GPC6: variants seen among roughly 807,000 people sequenced by gnomAD.
GPC6 encodes glypican-6.
In GPC6, 14 loss-of-function variants were observed where a neutral mutation model predicts 55.2. That is an observed-to-expected ratio of 0.25 (90% CI 0.17 to 0.40). The LOEUF (loss-of-function observed/expected upper bound fraction) is 0.40. Ranked by LOEUF, GPC6 falls within the 10% of genes least tolerant of loss-of-function variation. The pLI, the probability that GPC6 is intolerant of heterozygous loss-of-function variation, is 1.00. For synonymous variants in GPC6, 278 were observed against 259.6 expected, an observed-to-expected ratio of 1.07 and a Z score of -0.68; for missense variants, 641 against 708.5, an observed-to-expected ratio of 0.90 and a Z score of 1.08.
chr13:94,349,829 C>T (rs915739719), intron 6 of GPC6, among the ~76,000 whole-genome samples: 3 of 152,110 alleles, frequency 2.0e-5, no homozygotes, highest in African/African-American at 7.2e-5. Context: ...CACACAGTCT[C>T]GGGTGATTCT....
Position 93,906,253 on chromosome 13 carries a change from G to T in GPC6, c.711+75708G>T, listed in dbSNP as rs76593433. On this transcript the variant is annotated intron_variant, in intron 3 of 8. Coordinates refer to ENST00000377047, the MANE Select transcript of GPC6 (RefSeq NM_005708.5). ...TTACTCAGTTCACCTACTAAAAATGGCCATAGCTCTAGATTTTGCATCTTC... is the reference window on the plus strand; with the variant it reads ...TTACTCAGTTCACCTACTAAAAATGTCCATAGCTCTAGATTTTGCATCTTC... 4.2e-3 allele frequency among the ~76,000 whole-genome samples: 640 copies of T among 152,110 alleles called. 14 individuals are homozygous for T. Among genetic ancestry groups the T allele is most frequent in the South Asian group, 6.6e-3 (32 of 4,818 alleles).
intron 2 of GPC6, among the ~76,000 whole-genome samples, chr13:93,627,039 T>C (rs1473141483): frequency 6.6e-6 from 1 of 151,936 alleles, no homozygotes; most frequent in Non-Finnish European, 1.5e-5. Flanking sequence ...AGTTCTGGGG[T>C]ACATGTGCAG....
intron 4 of GPC6, among the ~76,000 whole-genome samples, chr13:94,168,084 C>A (rs1205331118): frequency 6.6e-6 from 1 of 152,204 alleles, no homozygotes; most frequent in African/African-American, 2.4e-5. Flanking sequence ...GCATTATCAT[C>A]ACTGGTTGTC....
At chr13:93,604,258 T>C (rs535668218) in intron 2 of GPC6, among the ~76,000 whole-genome samples, 1 of 152,362 alleles carries the variant, frequency 6.6e-6, no homozygotes, top group African/African-American at 2.4e-5. Flanking sequence ...CTACATAGGC[T>C]GATTTCACAT....
chr13:93,999,492 G>T (rs1039260521), intron 3 of GPC6, among the ~76,000 whole-genome samples: 1 of 152,116 alleles, frequency 6.6e-6, no homozygotes, highest in African/African-American at 2.4e-5. Flanking sequence ...ATAAACATAC[G>T]TGTGCACATG....
intron 1 of GPC6, among the ~76,000 whole-genome samples, chr13:93,448,270 A>C (rs533822546): frequency 2.6e-5 from 4 of 152,296 alleles, no homozygotes; most frequent in African/African-American, 9.6e-5. Context: ...ATTGTGGTAT[A>C]ATTTCCTTAC....
intron 3 of GPC6, among the ~76,000 whole-genome samples, chr13:93,940,354 A>G (rs916966583): frequency 4.0e-5 from 6 of 151,732 alleles, no homozygotes; most frequent in African/African-American, 1.2e-4. Context: ...CAGAGAAGGT[A>G]CTAGATCTAG....
chr13:93,441,417 G>A (rs561173119), intron 1 of GPC6, among the ~76,000 whole-genome samples: 1 of 152,184 alleles, frequency 6.6e-6, no homozygotes, highest in Non-Finnish European at 1.5e-5. Context: ...TCTCATTGTG[G>A]TTTTGATTTG....
intron 4 of GPC6, among the ~76,000 whole-genome samples, chr13:94,193,412 C>T (rs1467332789): frequency 1.3e-5 from 2 of 152,006 alleles, no homozygotes; most frequent in Admixed American, 6.6e-5. Context: ...GGGAGGGGGC[C>T]GCCATTCCTG....
chr13:94,216,066 A>G (rs1034442536), intron 4 of GPC6, among the ~76,000 whole-genome samples: 3 of 152,196 alleles, frequency 2.0e-5, no homozygotes, highest in East Asian at 1.9e-4. Context: ...AAAAGGGTCA[A>G]ATCTTTTCCA....
At chr13:93,410,657 C>A (rs981355431) in intron 1 of GPC6, among the ~76,000 whole-genome samples, 5 of 152,058 alleles carry the variant, frequency 3.3e-5, no homozygotes, top group African/African-American at 9.7e-5. Flanking sequence ...TGGGCCTCCA[C>A]AGTATATTAA....
chr13:93,340,026 CTTTTTTTTT>C (rs10714044), intron 1 of GPC6, among the ~76,000 whole-genome samples: 13,765 of 82,042 alleles, frequency 0.17, 670 homozygotes, highest in East Asian at 0.44. Context: ...AGTTTTCTTT[CTTTTTTTTT>C]TTTTTTTTTT....
chr13:93,691,055 G>C (rs780203719), intron 2 of GPC6, among the ~76,000 whole-genome samples: 1 of 151,852 alleles, frequency 6.6e-6, no homozygotes, highest in African/African-American at 2.4e-5. Flanking sequence ...TGTCCAGAGC[G>C]GTTTTCTCTA....
chr13:93,742,529 A>C lies in GPC6; in HGVS notation c.320-87625A>C, dbSNP rs546107083. ...GATAGCCTTGTGAACAAGATGGATA[A>C]ATGTGGGCCAGATGACAAGACAGAC... On this transcript the variant is annotated intron_variant, in intron 2 of 8. Coordinates refer to ENST00000377047, the MANE Select transcript of GPC6 (RefSeq NM_005708.5). Among the ~76,000 whole-genome samples, 10 of 152,298 alleles carry C rather than the reference A, an allele frequency of 6.6e-5. No homozygotes were observed. In the East Asian group the frequency reaches 1.9e-3, roughly 29 times the overall value.
In GPC6 at chr13:94,221,284, A is replaced by G. The variant is rs531057872; in HGVS notation, c.878-65065A>G. 1.4e-4 allele frequency among the ~76,000 whole-genome samples: 21 copies of G among 152,246 alleles called. No individual in the cohort carries two copies. The South Asian group carries it at 4.1e-3, about 30-fold the overall frequency. ...TTTGTGTAAAGATTGATTCCTGAAT[A>G]TTTTCCCAGAAGTAAACCAATCATT... is the stretch of plus-strand genomic sequence containing the variant. On this transcript the variant is annotated intron_variant, in intron 4 of 8. Transcript: ENST00000377047.
At chr13:93,396,559 C>T (rs1875867124) in intron 1 of GPC6, among the ~76,000 whole-genome samples, 1 of 151,274 alleles carries the variant, frequency 6.6e-6, no homozygotes, top group African/African-American at 2.4e-5. Flanking sequence ...CAGAGCAAGA[C>T]TCCATCTCAA....
chr13:93,583,153 C>T (rs1158960646), intron 2 of GPC6, among the ~76,000 whole-genome samples: 1 of 152,100 alleles, frequency 6.6e-6, no homozygotes, highest in African/African-American at 2.4e-5. Flanking sequence ...ATTCTTGACC[C>T]CAAATAAAGG....
chr13:93,978,953 T>C (rs1230785910), intron 3 of GPC6, among the ~76,000 whole-genome samples: 1 of 152,198 alleles, frequency 6.6e-6, no homozygotes, highest in Non-Finnish European at 1.5e-5. Context: ...TGACACCATA[T>C]TGATGAGAAG....
chr13:94,009,539 CA>C (rs1215168907), intron 3 of GPC6, among the ~76,000 whole-genome samples: 4 of 152,120 alleles, frequency 2.6e-5, no homozygotes. Context: ...AAGAAGTTGG[CA>C]GTGAAATAGA....
Sources: allele counts gnomAD v4.1 joint callset (sites outside exome capture counted in the v4.1 genomes callset), GRCh38; gene constraint gnomAD v4.1.1; transcripts MANE v1.5; gene names NCBI Gene and HGNC (gene_info 2026-07-23, HGNC 2026-07-21).